The following KLRC3 variants were observed in gnomAD, a reference collection of about 807,000 sequenced individuals.
The protein encoded by KLRC3 is NKG2-E type II integral membrane protein.
A neutral mutation model predicts 23.6 loss-of-function variants in KLRC3; 16 were observed. The observed-to-expected ratio is 0.68, with a 90% CI of 0.46 to 1.03. KLRC3 has a LOEUF of 1.03. KLRC3 is among the 50% of genes least tolerant of loss of function. The pLI is 0.00. For missense variants in KLRC3, 209 were observed against 232.2 expected (o/e 0.90, Z 0.65); for synonymous variants, 70 against 71.8 (o/e 0.98, Z 0.13).
intron 6 of KLRC3, 46 bp from the exon 7 acceptor site, chr12:10,412,662 T>C: frequency 1.5e-6 from 1 of 688,522 alleles, no homozygotes; most frequent in Non-Finnish European, 2.6e-6. Flanking sequence ...TATTGGCCTG[T>C]AGCCAGCTAC....
chr12:10,415,781 C>A lies in KLRC3; in HGVS notation c.601G>T (p.Asp201Tyr), dbSNP rs911005936. ...ATTGCACAGTTACGTTCAGCATGAT[C>A]TGAGTCTTTTATCCTGTAATGGAGA... is the stretch of plus-strand genomic sequence containing the variant. ...LAFKHEIKDS[D>Y]HAERNCAMLH... Residue 201 changes from aspartate to tyrosine, a missense_variant, in exon 6 of 7, where the codon GAT (aspartate) becomes TAT (tyrosine). Around this residue, in one of 4 missense-constraint regions of KLRC3, gnomAD observed 74 missense variants for 51.0 expected, o/e 1.45. Transcript: ENST00000396439. 2 of 1,610,622 alleles carry A rather than the reference C, an allele frequency of 1.2e-6. No individual in the cohort carries two copies. Among genetic ancestry groups the A allele is most frequent in the Non-Finnish European group, 1.7e-6 (2 of 1,178,362 alleles).
intron 6 of KLRC3, among the ~76,000 whole-genome samples, chr12:10,414,804 ATTGCTG>A (rs1169935807): frequency 6.6e-6 from 1 of 152,030 alleles, no homozygotes; most frequent in African/African-American, 2.4e-5. Context: ...AGAAAATAAA[ATTGCTG>A]TTTATATAGA....
Position 10,412,352 on chromosome 12 carries a change from G to C in KLRC3, c.*220C>G, listed in dbSNP as rs935101251. ...ATTTATTTTCCAATCATAACGGTCT[G>C]CATTTTAATATTAATATTTGTTGTA... On this transcript the variant is annotated 3_prime_UTR_variant, in exon 7 of 7. Transcript: ENST00000396439. 1.1e-5 allele frequency: 6 copies of C among 567,522 alleles called. No individual in the cohort carries two copies. The highest frequency in any genetic ancestry group is 1.2e-5 in the Non-Finnish European group (4 of 323,166). 35.2% of individuals were successfully genotyped at this position (567,522 alleles called of 1,614,324 possible).
intron 6 of KLRC3, among the ~76,000 whole-genome samples, chr12:10,415,016 A>T (rs901415786): frequency 6.6e-6 from 1 of 152,160 alleles, no homozygotes; most frequent in African/African-American, 2.4e-5. Flanking sequence ...ACATAATATG[A>T]TAGAGAGAAA....
In KLRC3 at chr12:10,417,905, C is replaced by G. The variant is rs532407792; in HGVS notation, c.486+439G>C. 2.0e-5 allele frequency among the ~76,000 whole-genome samples: 3 copies of G among 152,246 alleles called. No individual in the cohort carries two copies. In the East Asian group the frequency reaches 5.8e-4, roughly 29 times the overall value. On this transcript the variant is annotated intron_variant, in intron 4 of 6. Transcript: ENST00000396439. The stretch of plus-strand genomic sequence containing the variant: ...CGTTTTTTATAAATTCAAGAACAGG[C>G]AAACCTTATTTATAACTTCAAAAGT...
rs763746447 is a variant in KLRC3 at position 10,420,426 on chromosome 12, T to G, written c.125A>C (p.Glu42Ala). 3.7e-6 allele frequency: 6 copies of G among 1,613,658 alleles called. No homozygotes were observed. The highest frequency in any genetic ancestry group is 1.7e-5 in the Admixed American group (1 of 59,972). The change falls in exon 1 of 7, where the codon GAA becomes GCA. Residue 42 changes from glutamate (E) to alanine (A), a missense_variant. Physicochemically the swap from Glu to Ala is moderately radical, Grantham distance 107 (BLOSUM62 -1). This residue lies in a region of KLRC3 where 109 missense variants were observed against 113.2 expected (regional missense o/e 0.96). Coordinates refer to ENST00000396439, the MANE Select transcript of KLRC3 (RefSeq NM_002261.3). Reference protein sequence around the residue: ...SGTEQEIFQVELNLQNASLNH... With the variant: ...SGTEQEIFQVALNLQNASLNH... Reference sequence around the variant, plus strand: ...CAGAGAAGCATTTTGAAGGTTTAATTCTACTTGGAATATTTCCTGTTCGGT... The same window carrying G: ...CAGAGAAGCATTTTGAAGGTTTAATGCTACTTGGAATATTTCCTGTTCGGT...
rs1315650875 is a variant in KLRC3 at position 10,412,457 on chromosome 12, C to A, written c.*115G>T. On this transcript the variant is annotated 3_prime_UTR_variant, in exon 7 of 7. Coordinates refer to ENST00000396439, the MANE Select transcript of KLRC3 (RefSeq NM_002261.3). The stretch of plus-strand genomic sequence containing the variant: ...ATCATCTAGTTAAAAATAGGGAGGG[C>A]AGAAAAAGTAGATTTTTAAAACACA... 1 of 671,710 alleles carries A rather than the reference C, an allele frequency of 1.5e-6. No homozygotes were observed. Among genetic ancestry groups the A allele is most frequent in the African/African-American group, 1.8e-5 (1 of 54,770 alleles). The allele number at this position is 671,710 out of a possible 1,614,324, so 41.6% of individuals were successfully genotyped here. A position where few individuals can be genotyped will look rare whatever the true frequency, so the allele number is the denominator to read the frequency against.
chr12:10,412,855 T>C (rs566043503), intron 6 of KLRC3, among the ~76,000 whole-genome samples: 1 of 152,198 alleles, frequency 6.6e-6, no homozygotes. Flanking sequence ...CAACATATAG[T>C]TGAATAAAGT....
chr12:10,413,808 G>A (rs1863605195), intron 6 of KLRC3, among the ~76,000 whole-genome samples: 1 of 145,640 alleles, frequency 6.9e-6, no homozygotes, highest in South Asian at 2.2e-4. Flanking sequence ...GCCCCGGTGT[G>A]TGATGTTCTC....
intron 4 of KLRC3, among the ~76,000 whole-genome samples, chr12:10,417,267 G>A (rs1393570372): frequency 2.0e-5 from 3 of 150,248 alleles, no homozygotes; most frequent in Non-Finnish European, 4.4e-5. Context: ...GTGTAGACTC[G>A]TCTCTCTCTG....
chr12:10,418,184 T>C (rs1045111671), intron 4 of KLRC3, among the ~76,000 whole-genome samples, 160 bp downstream of exon 4: 10 of 152,194 alleles, frequency 6.6e-5, no homozygotes, highest in Non-Finnish European at 7.3e-5. Flanking sequence ...ACATTAGCGG[T>C]ATATAACTTT....
chr12:10,415,259 CA>C (rs1225346796), intron 6 of KLRC3, among the ~76,000 whole-genome samples: 1 of 152,190 alleles, frequency 6.6e-6, no homozygotes, highest in Admixed American at 6.5e-5. Flanking sequence ...AGTGTATTCA[CA>C]GAGTTACAAC....
chr12:10,417,790 A>G (rs1159135487), intron 4 of KLRC3, among the ~76,000 whole-genome samples: 1 of 152,250 alleles, frequency 6.6e-6, no homozygotes. Flanking sequence ...AACAGTAACA[A>G]ACTACAGATA....
At chr12:10,414,395 G>T (rs995733633) in intron 6 of KLRC3, among the ~76,000 whole-genome samples, 2 of 151,606 alleles carry the variant, frequency 1.3e-5, no homozygotes, top group Non-Finnish European at 1.5e-5. Flanking sequence ...TTGTAAATAT[G>T]AATAATATGT....
intron 6 of KLRC3, among the ~76,000 whole-genome samples, chr12:10,413,002 T>C (rs1016948553): frequency 1.2e-4 from 19 of 152,082 alleles, no homozygotes; most frequent in Non-Finnish European, 2.1e-4. Context: ...CACACACATA[T>C]ACTCACACGG....
At chr12:10,420,181 A>G (rs1156536766) in intron 1 of KLRC3, among the ~76,000 whole-genome samples, 183 bp downstream of exon 1, 1 of 152,158 alleles carries the variant, frequency 6.6e-6, no homozygotes, top group African/African-American at 2.4e-5. Context: ...TGCAGATTAC[A>G]GTTGATTACA....
At chr12:10,414,061 G>C (rs2137854778) in intron 6 of KLRC3, among the ~76,000 whole-genome samples, 1 of 152,118 alleles carries the variant, frequency 6.6e-6, no homozygotes, top group South Asian at 2.1e-4. Flanking sequence ...ACTTTTTCAA[G>C]TACATAGCTA....
intron 6 of KLRC3, 187 bp downstream of exon 6, chr12:10,415,517 T>G: frequency 1.0e-6 from 1 of 960,526 alleles, no homozygotes; most frequent in Admixed American, 3.0e-5. Context: ...TGCGAGGGTA[T>G]CTGTACTTCC....
At chr12:10,415,514 G>T in intron 6 of KLRC3, 190 bp downstream of exon 6, 1 of 921,892 alleles carries the variant, frequency 1.1e-6, no homozygotes, top group Non-Finnish European at 1.6e-6. Flanking sequence ...AAATGCGAGG[G>T]TATCTGTACT....
Sources: allele counts gnomAD v4.1 joint callset (sites outside exome capture counted in the v4.1 genomes callset), GRCh38; gene constraint gnomAD v4.1.1; regional missense constraint gnomAD v4.1.1; transcripts MANE v1.5; gene names NCBI Gene and HGNC (gene_info 2026-07-23, HGNC 2026-07-21).